PPP1R9A: variants seen among roughly 807,000 people sequenced by gnomAD.
PPP1R9A encodes the protein protein phosphatase 1 regulatory subunit 9A, also known as neurabin-1.
A neutral mutation model predicts 141.9 loss-of-function variants in PPP1R9A; 59 were observed. The ratio of observed to expected loss-of-function variants is 0.42; its 90% confidence interval spans 0.34 to 0.52. The LOEUF is 0.52. Among genes scored for constraint, PPP1R9A ranks in the 20% least tolerant of loss-of-function variants. The pLI is 0.10. For synonymous variants in PPP1R9A, 500 were observed against 569.7 expected, an observed-to-expected ratio of 0.88 and a Z score of 1.74; for missense variants, 1,444 against 1,611.9, an observed-to-expected ratio of 0.90 and a Z score of 1.78.
At chr7:95,272,163 C>T (rs1802303175) in intron 14 of PPP1R9A, among the ~76,000 whole-genome samples, 1 of 152,174 alleles carries the variant, frequency 6.6e-6, no homozygotes, top group African/African-American at 2.4e-5. Flanking sequence ...TACATTGCCT[C>T]AGCTGGTCTT....
intron 2 of PPP1R9A, among the ~76,000 whole-genome samples, chr7:95,046,653 G>A (rs1188978816): frequency 6.6e-6 from 1 of 152,126 alleles, no homozygotes; most frequent in East Asian, 1.9e-4. Context: ...TGAGCCCAGG[G>A]AATTCTCTGT....
At chr7:95,056,167 C>T (rs1584468300) in intron 2 of PPP1R9A, among the ~76,000 whole-genome samples, 1 of 152,024 alleles carries the variant, frequency 6.6e-6, no homozygotes, top group East Asian at 1.9e-4. Context: ...TAAAGGCTGA[C>T]ATTTCTTATC....
chr7:95,060,947 C>T (rs894870760), intron 2 of PPP1R9A, among the ~76,000 whole-genome samples: 1 of 152,058 alleles, frequency 6.6e-6, no homozygotes, highest in Non-Finnish European at 1.5e-5. Context: ...CAAATGTTAC[C>T]GTGGGAGCTA....
At chr7:95,113,842 GAAAA>G (rs934326565) in intron 3 of PPP1R9A, among the ~76,000 whole-genome samples, 16 of 151,818 alleles carry the variant, frequency 1.1e-4, no homozygotes, top group African/African-American at 3.6e-4. Flanking sequence ...CAAGGGCAAG[GAAAA>G]AAGAGGTGAA....
intron 2 of PPP1R9A, among the ~76,000 whole-genome samples, chr7:95,015,571 CAG>C (rs765527052): frequency 1.3e-5 from 2 of 151,998 alleles, no homozygotes; most frequent in South Asian, 2.1e-4. Flanking sequence ...AAAAAATGAA[CAG>C]AGTTTCATGG....
intron 16 of PPP1R9A, among the ~76,000 whole-genome samples, chr7:95,281,885 C>T (rs1437969877): frequency 6.6e-6 from 1 of 152,108 alleles, no homozygotes; most frequent in Non-Finnish European, 1.5e-5. Flanking sequence ...TTTAAAAATT[C>T]CCTTGATTCA....
At chr7:94,924,726 C>G (rs1293706498) in intron 2 of PPP1R9A, among the ~76,000 whole-genome samples, 1 of 152,050 alleles carries the variant, frequency 6.6e-6, no homozygotes, top group African/African-American at 2.4e-5. Flanking sequence ...GACGGGGTTT[C>G]ACCATGTTGG....
intron 2 of PPP1R9A, among the ~76,000 whole-genome samples, chr7:95,078,806 C>T (rs540704844): frequency 1.9e-4 from 29 of 151,302 alleles, no homozygotes; most frequent in African/African-American, 4.4e-4. Flanking sequence ...TCATGTCCTT[C>T]GCCCACTTTT....
chr7:95,153,192 G>A (rs1829028605), intron 4 of PPP1R9A, among the ~76,000 whole-genome samples: 1 of 152,018 alleles, frequency 6.6e-6, no homozygotes, highest in African/African-American at 2.4e-5. Flanking sequence ...ACAAGAATGA[G>A]CACATTCATT....
At chr7:94,998,530 T>A (rs1802470705) in intron 2 of PPP1R9A, among the ~76,000 whole-genome samples, 1 of 152,202 alleles carries the variant, frequency 6.6e-6, no homozygotes, top group Non-Finnish European at 1.5e-5. Flanking sequence ...CTCTTTGATT[T>A]TGAGCTGTTT....
chr7:95,149,406 A>C (rs961975711), intron 4 of PPP1R9A, among the ~76,000 whole-genome samples: 3 of 152,188 alleles, frequency 2.0e-5, no homozygotes, highest in Admixed American at 2.0e-4. Flanking sequence ...TAAATGAACA[A>C]TACACAGATT....
At chr7:95,032,716 C>T (rs547714092) in intron 2 of PPP1R9A, among the ~76,000 whole-genome samples, 1 of 152,108 alleles carries the variant, frequency 6.6e-6, no homozygotes, top group South Asian at 2.1e-4. Flanking sequence ...AAAATTGTCA[C>T]TGAGTTCTTT....
intron 2 of PPP1R9A, among the ~76,000 whole-genome samples, chr7:95,099,011 G>T (rs947178869): frequency 6.6e-6 from 1 of 152,126 alleles, no homozygotes; most frequent in African/African-American, 2.4e-5. Flanking sequence ...CTCACCATGT[G>T]TGCACACACA....
rs1185493038 is a variant in PPP1R9A at position 94,921,412 on chromosome 7, A to AGT, written c.1395+9904_1395+9905insGT. Among the ~76,000 whole-genome samples, 289 of 149,416 alleles carry AGT rather than the reference A, an allele frequency of 1.9e-3. 2 individuals carry two copies. The highest frequency in any genetic ancestry group is 6.7e-3 in the African/African-American group (271 of 40,430). ...CAGTGAGCTGAGAGGGCGCCACTGC[A>AGT]CTCCAGCCTGGGCGACAGAGCTAGA... On this transcript the variant is annotated intron_variant, in intron 2 of 19. Transcript: ENST00000433360.
intron 2 of PPP1R9A, among the ~76,000 whole-genome samples, chr7:94,959,744 A>T (rs1406813784): frequency 1.3e-5 from 2 of 151,646 alleles, no homozygotes; most frequent in African/African-American, 4.8e-5. Flanking sequence ...TTGTCCTGTC[A>T]CTCTAATAGG....
In PPP1R9A at chr7:95,111,257, A is replaced by C; in HGVS notation, c.1396-2A>C. 1 of 1,601,592 alleles carries C rather than the reference A, an allele frequency of 6.2e-7. No homozygotes were observed. Among genetic ancestry groups the C allele is most frequent in the Non-Finnish European group, 8.5e-7 (1 of 1,174,230 alleles). ...TATCATCTTGTTGGCCTCTTACTAC[A>C]GGTTTTCAACACATACTCCAATGAA... On this transcript the variant is annotated splice_acceptor_variant, in intron 2 of 19. Coordinates refer to ENST00000433360, the MANE Select transcript of PPP1R9A (RefSeq NM_001166160.2). LOFTEE classifies it high-confidence loss of function.
chr7:95,015,818 G>A (rs1260266018), intron 2 of PPP1R9A, among the ~76,000 whole-genome samples: 1 of 152,056 alleles, frequency 6.6e-6, no homozygotes, highest in African/African-American at 2.4e-5. Flanking sequence ...GGGAGGCTAA[G>A]GTGGGAGGAT....
intron 2 of PPP1R9A, among the ~76,000 whole-genome samples, chr7:95,011,275 A>G (rs186385903): frequency 1.3e-5 from 2 of 152,280 alleles, no homozygotes; most frequent in East Asian, 1.9e-4. Context: ...ATTATCTTAC[A>G]GTAAAAGCAT....
intron 5 of PPP1R9A, among the ~76,000 whole-genome samples, chr7:95,165,081 C>T (rs1831041171): frequency 6.6e-6 from 1 of 152,152 alleles, no homozygotes; most frequent in Non-Finnish European, 1.5e-5. Context: ...ATGAGCTTTT[C>T]TCATATTTAT....
Sources: gnomAD v4.1 joint callset for allele counts (sites outside exome capture counted in the v4.1 genomes callset) on GRCh38, gnomAD v4.1.1 for gene constraint, MANE v1.5 for transcripts, NCBI Gene and HGNC (gene_info 2026-07-23, HGNC 2026-07-21) for gene names.